IMMP2L: variants seen among roughly 807,000 people sequenced by gnomAD.
IMMP2L encodes inner mitochondrial membrane peptidase subunit 2.
Under a neutral mutation model 19.3 loss-of-function variants are expected in IMMP2L, and 18 were observed. The observed-to-expected ratio is 0.93, with a 90% CI of 0.64 to 1.38. IMMP2L has a LOEUF of 1.38. IMMP2L is among the 40% of genes most tolerant of loss of function. The pLI is 0.00. For synonymous variants in IMMP2L, 76 were observed against 73.0 expected, an observed-to-expected ratio of 1.04 and a Z score of -0.21; for missense variants, 233 against 218.2, an observed-to-expected ratio of 1.07 and a Z score of -0.43.
intron 5 of IMMP2L, among the ~76,000 whole-genome samples, chr7:110,865,409 C>T (rs1807885106): frequency 6.6e-6 from 1 of 152,054 alleles, no homozygotes; most frequent in South Asian, 2.1e-4. Flanking sequence ...CTTCATTTCG[C>T]TCTTACCAAC....
At chr7:111,379,809 T>C (rs952189056) in intron 3 of IMMP2L, among the ~76,000 whole-genome samples, 1 of 151,856 alleles carries the variant, frequency 6.6e-6, no homozygotes, top group East Asian at 1.9e-4. Context: ...AACTAGCAAG[T>C]CAGTTCGAGT....
At chr7:111,023,795 T>C (rs568118590) in intron 3 of IMMP2L, among the ~76,000 whole-genome samples, 23 of 152,322 alleles carry the variant, frequency 1.5e-4, no homozygotes, top group African/African-American at 5.3e-4. Flanking sequence ...TAGTGGTTAA[T>C]GTATGGGCTT....
At chr7:111,228,134 T>C (rs2129622886) in intron 3 of IMMP2L, among the ~76,000 whole-genome samples, 1 of 152,242 alleles carries the variant, frequency 6.6e-6, no homozygotes, top group Middle Eastern at 3.4e-3. Flanking sequence ...GAAATACGTT[T>C]ATGTTCATGT....
At chr7:110,778,239 T>G (rs9886112) in intron 5 of IMMP2L, among the ~76,000 whole-genome samples, 4 of 151,856 alleles carry the variant, frequency 2.6e-5, no homozygotes, top group East Asian at 3.9e-4. Flanking sequence ...AAACAGACTT[T>G]AAATTTTGTG....
At chr7:111,285,298 GAAAACA>G (rs1230199432) in intron 3 of IMMP2L, among the ~76,000 whole-genome samples, 3 of 152,010 alleles carry the variant, frequency 2.0e-5, no homozygotes, top group African/African-American at 7.2e-5. Context: ...ACCCTGTGAG[GAAAACA>G]AAAACAAAAA....
intron 3 of IMMP2L, among the ~76,000 whole-genome samples, chr7:111,470,600 A>T (rs1259956012): frequency 6.6e-6 from 1 of 151,636 alleles, no homozygotes; most frequent in Non-Finnish European, 1.5e-5. Flanking sequence ...GGAAATCATC[A>T]TTCTCAGTAA....
chr7:111,068,897 G>A (rs1039032014), intron 3 of IMMP2L, among the ~76,000 whole-genome samples: 8 of 152,232 alleles, frequency 5.3e-5, no homozygotes, highest in African/African-American at 1.9e-4. Context: ...AAGTTAGTGG[G>A]CTATCAGGGA....
At chr7:111,514,342 G>C (rs1845700370) in intron 2 of IMMP2L, among the ~76,000 whole-genome samples, 1 of 151,924 alleles carries the variant, frequency 6.6e-6, no homozygotes. Context: ...ACACAGAATG[G>C]GCAACATCGC....
intron 5 of IMMP2L, among the ~76,000 whole-genome samples, chr7:110,723,153 T>C (rs7793956): frequency 0.55 from 83,638 of 151,978 alleles, 23,197 homozygotes; most frequent in East Asian, 0.73. Flanking sequence ...CATCAAGCTA[T>C]AGTCTAAAAC....
rs553437255 is a variant in IMMP2L, at chr7:110,861,868, T to C, written c.408+24725A>G. The stretch of plus-strand genomic sequence containing the variant: ...AACTTGTCAATCTGTTTACCAAATA[T>C]GTGTCTATTATAATATCCAAATGCC... On this transcript the variant is annotated intron_variant, in intron 5 of 5. Coordinates refer to ENST00000405709, the MANE Select transcript of IMMP2L (RefSeq NM_032549.4). 2.0e-5 allele frequency among the ~76,000 whole-genome samples: 3 copies of C among 152,228 alleles called. No homozygotes were observed. The South Asian group carries it at 6.2e-4, about 32-fold the overall frequency.
At chr7:111,050,570 G>A (rs1792911170) in intron 3 of IMMP2L, among the ~76,000 whole-genome samples, 1 of 152,012 alleles carries the variant, frequency 6.6e-6, no homozygotes, top group Non-Finnish European at 1.5e-5. Flanking sequence ...GCTGCTTTTT[G>A]CCTGGCAGAT....
intron 3 of IMMP2L, among the ~76,000 whole-genome samples, chr7:110,981,312 G>C (rs1821274585): frequency 6.6e-6 from 1 of 151,982 alleles, no homozygotes; most frequent in African/African-American, 2.4e-5. Flanking sequence ...TAGTCACACT[G>C]TTAATATTAT....
chr7:111,041,097 C>T (rs1302151149), intron 3 of IMMP2L, among the ~76,000 whole-genome samples: 1 of 151,980 alleles, frequency 6.6e-6, no homozygotes, highest in Non-Finnish European at 1.5e-5. Context: ...AGAAGATAAT[C>T]CTGCTTAGGG....
chr7:111,430,583 CCTTA>C (rs538698826), intron 3 of IMMP2L, among the ~76,000 whole-genome samples: 1,530 of 151,834 alleles, frequency 0.01, 18 homozygotes, highest in Middle Eastern at 0.017. Context: ...AAACCAAAAT[CCTTA>C]CTTAATTAAG....
At chr7:111,281,269 G>A (rs1563005618) in intron 3 of IMMP2L, among the ~76,000 whole-genome samples, 1 of 147,902 alleles carries the variant, frequency 6.8e-6, no homozygotes, top group South Asian at 2.3e-4. Flanking sequence ...AAGAGAGAGA[G>A]AAAGAAAGAG....
chr7:111,157,144 C>T (rs1325670416), intron 3 of IMMP2L, among the ~76,000 whole-genome samples: 4 of 151,836 alleles, frequency 2.6e-5, no homozygotes, highest in South Asian at 4.2e-4. Flanking sequence ...AAATTAGTAC[C>T]GCCACTACAG....
rs1016810715 is a variant in IMMP2L, at chr7:111,311,614, T to A, written c.239+175624A>T. ...TATCTTCAGAGGGATACAGTTGCCC[T>A]CATTTCATTTAAGGGCTGTGGCTCT... On this transcript the variant is annotated intron_variant, in intron 3 of 5. Coordinates refer to ENST00000405709, the MANE Select transcript of IMMP2L (RefSeq NM_032549.4). Among the ~76,000 whole-genome samples, 7 of 152,156 alleles carry A rather than the reference T, an allele frequency of 4.6e-5. No individual in the cohort carries two copies. In the East Asian group the frequency reaches 1.3e-3, roughly 29 times the overall value.
chr7:110,963,006 G>T (rs1477432732), intron 4 of IMMP2L: 1 of 1,502,706 alleles, frequency 6.7e-7, no homozygotes, highest in African/African-American at 1.4e-5. Flanking sequence ...ACACCTGATT[G>T]TTACAATCTT....
rs371537728 is a variant in IMMP2L, at chr7:110,800,168, C to T, written c.408+86425G>A. Among the ~76,000 whole-genome samples, 11 of 151,972 alleles carry T rather than the reference C, an allele frequency of 7.2e-5. No homozygotes were observed. In the South Asian group the frequency reaches 1.0e-3, roughly 14 times the overall value. Reference sequence around the variant, plus strand: ...AAATTTCTAGTTTGTTGTTGCTGTACATTCTATAAACAAAATATTTAACTA... The same window carrying T: ...AAATTTCTAGTTTGTTGTTGCTGTATATTCTATAAACAAAATATTTAACTA... On this transcript the variant is annotated intron_variant, in intron 5 of 5. Coordinates refer to ENST00000405709, the MANE Select transcript of IMMP2L (RefSeq NM_032549.4).
Sources: gnomAD v4.1 joint callset for allele counts (sites outside exome capture counted in the v4.1 genomes callset) on GRCh38, gnomAD v4.1.1 for gene constraint, MANE v1.5 for transcripts, NCBI Gene and HGNC (gene_info 2026-07-23, HGNC 2026-07-21) for gene names.